Variants in TBC1D1 observed in about 807,000 individuals in gnomAD.
TBC1D1 encodes TBC1 (tre-2/USP6, BUB2, cdc16) domain family, member 1.
A neutral mutation model predicts 125.6 loss-of-function variants in TBC1D1; 89 were observed. That is an observed-to-expected ratio of 0.71 (90% CI 0.60 to 0.85). TBC1D1 has a LOEUF of 0.85. TBC1D1 is among the 40% of genes least tolerant of loss of function. The pLI is 0.00. For synonymous variants in TBC1D1, 565 were observed against 564.1 expected, an observed-to-expected ratio of 1.00 and a Z score of -0.02; for missense variants, 1,377 against 1,469.2, an observed-to-expected ratio of 0.94 and a Z score of 1.03.
chr4:38,004,875 T>G (rs571435116), intron 2 of TBC1D1, among the ~76,000 whole-genome samples: 2 of 152,352 alleles, frequency 1.3e-5, no homozygotes, highest in South Asian at 4.1e-4. Flanking sequence ...GATAGATTAT[T>G]GAAAAACGGT....
At chr4:37,982,179 G>A (rs531778301) in intron 2 of TBC1D1, among the ~76,000 whole-genome samples, 12 of 152,260 alleles carry the variant, frequency 7.9e-5, no homozygotes, top group African/African-American at 2.4e-4. Flanking sequence ...CTTGGGTGCC[G>A]GTAGGCGGTA....
intron 2 of TBC1D1, among the ~76,000 whole-genome samples, chr4:37,934,987 G>A (rs1724085549): frequency 6.6e-6 from 1 of 152,118 alleles, no homozygotes; most frequent in Admixed American, 6.5e-5. Flanking sequence ...GCTTGAAATG[G>A]CAGAGGGAAA....
chr4:38,105,041 C>T (rs1279633299), intron 15 of TBC1D1, among the ~76,000 whole-genome samples: 2 of 152,178 alleles, frequency 1.3e-5, no homozygotes, highest in African/African-American at 4.8e-5. Context: ...AGGCGTGAGC[C>T]ACCACACCCG....
intron 2 of TBC1D1, among the ~76,000 whole-genome samples, chr4:37,975,694 G>A (rs1415277780): frequency 1.3e-5 from 2 of 152,128 alleles, no homozygotes; most frequent in African/African-American, 2.4e-5. Context: ...TTGTCTTCTG[G>A]TCACTTCTCA....
At chr4:38,034,714 C>T (rs868811925) in intron 7 of TBC1D1, among the ~76,000 whole-genome samples, 1 of 152,126 alleles carries the variant, frequency 6.6e-6, no homozygotes, top group African/African-American at 2.4e-5. Context: ...GAGGAACAGG[C>T]AATGGATACT....
In TBC1D1 at chr4:38,090,047, G is replaced by A. The variant is rs1276144405; in HGVS notation, c.2166G>A (p.Glu722=). Residue 722 remains glutamate, a synonymous_variant, in exon 13 of 20, where the codon GAG becomes GAA. Coordinates refer to ENST00000261439, the MANE Select transcript of TBC1D1 (RefSeq NM_015173.4). ...AAAGGACATCTCGTGAGCTCCGAGA[G>A]CTGTGGCAAAAGGCTATTCTTCAAC... The A allele has an allele frequency of 6.2e-7, 1 of 1,613,992 alleles. No homozygotes were observed.
chr4:38,137,355 G>A lies in TBC1D1; in HGVS notation c.*20G>A. 1 of 1,605,906 alleles carries A rather than the reference G, an allele frequency of 6.2e-7. No individual in the cohort carries two copies. The highest frequency in any genetic ancestry group is 8.5e-7 in the Non-Finnish European group (1 of 1,178,306). ...GACTGACAGCTCTGCAGGAGAGATT[G>A]CAACACCATCCCACACTGTCCAGGC... On this transcript the variant is annotated 3_prime_UTR_variant, in exon 20 of 20. Transcript: ENST00000261439.
chr4:37,913,863 G>A (rs1222224297), intron 2 of TBC1D1, among the ~76,000 whole-genome samples: 3 of 151,088 alleles, frequency 2.0e-5, no homozygotes, highest in East Asian at 1.9e-4. Context: ...ATAATGTCAC[G>A]AGCCACCTAG....
chr4:38,023,029 C>T (rs1744360353), intron 6 of TBC1D1, among the ~76,000 whole-genome samples: 1 of 152,168 alleles, frequency 6.6e-6, no homozygotes, highest in Admixed American at 6.5e-5. Flanking sequence ...CCAGCCTGGG[C>T]AACATGGTGA....
At chr4:38,001,520 A>G (rs932619895) in intron 2 of TBC1D1, among the ~76,000 whole-genome samples, 20 of 152,176 alleles carry the variant, frequency 1.3e-4, no homozygotes, top group Admixed American at 2.6e-4. Context: ...GTAAATCCCA[A>G]CCCTCTAATC....
chr4:37,938,136 C>A (rs1426143003), intron 2 of TBC1D1, among the ~76,000 whole-genome samples: 1 of 152,044 alleles, frequency 6.6e-6, no homozygotes, highest in Non-Finnish European at 1.5e-5. Flanking sequence ...GTCCCAGTTA[C>A]TTGAGAGGTT....
intron 2 of TBC1D1, among the ~76,000 whole-genome samples, chr4:37,967,331 C>G (rs549651985): frequency 1.3e-5 from 2 of 151,954 alleles, no homozygotes; most frequent in Non-Finnish European, 2.9e-5. Flanking sequence ...CCCGTCTCTA[C>G]TAAAAATACA....
intron 13 of TBC1D1, among the ~76,000 whole-genome samples, chr4:38,093,515 GT>G (rs71658754): frequency 6.1e-4 from 89 of 145,874 alleles, no homozygotes; most frequent in African/African-American, 1.7e-3. Flanking sequence ...CTGCAAGGCC[GT>G]TTTCCCCCCC....
intron 12 of TBC1D1, among the ~76,000 whole-genome samples, chr4:38,071,940 G>A (rs1237302850): frequency 6.6e-6 from 1 of 152,190 alleles, no homozygotes; most frequent in Non-Finnish European, 1.5e-5. Flanking sequence ...ATAGTGTCTA[G>A]GGTCAGCACC....
At chr4:37,972,357 T>C (rs1365933368) in intron 2 of TBC1D1, among the ~76,000 whole-genome samples, 1 of 151,678 alleles carries the variant, frequency 6.6e-6, no homozygotes, top group Admixed American at 6.6e-5. Flanking sequence ...AGTGCATGCC[T>C]ATAATCTCAA....
chr4:38,083,100 C>T (rs975899989), intron 12 of TBC1D1, among the ~76,000 whole-genome samples: 8 of 152,154 alleles, frequency 5.3e-5, no homozygotes, highest in African/African-American at 1.4e-4. Context: ...AGCTCTTTTT[C>T]GAGCCCTTCT....
At chr4:37,996,684 C>G (rs993970059) in intron 2 of TBC1D1, among the ~76,000 whole-genome samples, 1 of 152,240 alleles carries the variant, frequency 6.6e-6, no homozygotes, top group Non-Finnish European at 1.5e-5. Context: ...GAGCCCTTTC[C>G]TGTGATTGAG....
chr4:38,136,377 G>T (rs566803234), intron 19 of TBC1D1, among the ~76,000 whole-genome samples: 11 of 152,260 alleles, frequency 7.2e-5, no homozygotes, highest in African/African-American at 2.6e-4. Flanking sequence ...GTGAGACCAG[G>T]CACATAAACC....
At chr4:38,035,735 C>A (rs752321463) in intron 8 of TBC1D1, 37 bp downstream of exon 8, 2 of 1,461,264 alleles carry the variant, frequency 1.4e-6, no homozygotes, top group South Asian at 1.2e-5. Flanking sequence ...GTTGCCAAGT[C>A]TCTGCCAAGT....
Sources: gnomAD v4.1 joint callset for allele counts (sites outside exome capture counted in the v4.1 genomes callset) on GRCh38, gnomAD v4.1.1 for gene constraint, MANE v1.5 for transcripts, NCBI Gene and HGNC (gene_info 2026-07-23, HGNC 2026-07-21) for gene names.